The following DPM1 variants were observed in gnomAD, a reference collection of about 807,000 sequenced individuals.
The protein encoded by DPM1 is dolichol-phosphate mannosyltransferase subunit 1.
A neutral mutation model predicts 39.0 loss-of-function variants in DPM1; 27 were observed. The observed-to-expected ratio is 0.69, with a 90% CI of 0.51 to 0.95. DPM1 has a LOEUF of 0.95. DPM1 is among the 40% of genes least tolerant of loss of function. The pLI is 0.00. For synonymous variants in DPM1, 124 were observed against 109.0 expected (o/e 1.14, Z -0.86); for missense variants, 307 against 315.6 (o/e 0.97, Z 0.21).
intron 7 of DPM1, among the ~76,000 whole-genome samples, chr20:50,938,218 T>C (rs1985379281): frequency 1.3e-5 from 2 of 152,142 alleles, no homozygotes; most frequent in African/African-American, 2.4e-5. Flanking sequence ...TTATATTGAC[T>C]GTAGCCTTTC....
At chr20:50,958,273 A>C in intron 1 of DPM1, 90 bp downstream of exon 1, 1 of 1,544,760 alleles carries the variant, frequency 6.5e-7, no homozygotes, top group South Asian at 1.2e-5. Flanking sequence ...AGAAGGCTGG[A>C]CAGGGCCGCT....
intron 6 of DPM1, 122 bp downstream of exon 6, chr20:50,941,909 T>TAACTGTAAG: frequency 1.2e-6 from 1 of 833,386 alleles, no homozygotes; most frequent in Non-Finnish European, 2.0e-6. Flanking sequence ...TCTGGGAGTA[T>TAACTGTAAG]TTACTGGAAG....
rs1985016147 is a variant in DPM1, at chr20:50,934,900, T to C, written c.*232A>G. 1 of 356,374 alleles carries C rather than the reference T, an allele frequency of 2.8e-6. No homozygotes were observed. Among genetic ancestry groups the C allele is most frequent in the East Asian group, 5.3e-5 (1 of 18,698 alleles). The allele number at this position is 356,374 out of a possible 1,614,324, so 22.1% of individuals were successfully genotyped here. On this transcript the variant is annotated 3_prime_UTR_variant, in exon 9 of 9. Coordinates refer to ENST00000371588, the MANE Select transcript of DPM1 (RefSeq NM_003859.3). The stretch of plus-strand genomic sequence containing the variant: ...GCAAAAAAAAATATACATTTATTTA[T>C]AGGTCTCAATACAGCAAAATGAAAA...
intron 1 of DPM1, among the ~76,000 whole-genome samples, chr20:50,957,718 C>A (rs1986904460): frequency 6.6e-6 from 1 of 152,212 alleles, no homozygotes; most frequent in Non-Finnish European, 1.5e-5. Flanking sequence ...AGCATGATCC[C>A]ATTTGTGCAA....
chr20:50,950,340 G>A (rs1986511919), intron 2 of DPM1, among the ~76,000 whole-genome samples: 1 of 152,124 alleles, frequency 6.6e-6, no homozygotes, highest in Non-Finnish European at 1.5e-5. Context: ...ACTGCTGTCT[G>A]GTAAGAGCTT....
At chr20:50,951,767 G>A (rs550349109) in intron 2 of DPM1, among the ~76,000 whole-genome samples, 81 of 151,630 alleles carry the variant, frequency 5.3e-4, no homozygotes, top group South Asian at 1.0e-3. Context: ...CAGCCTGGGC[G>A]ACAGAGCGAG....
At chr20:50,939,109 C>T (rs1376489638) in intron 7 of DPM1, among the ~76,000 whole-genome samples, 1 of 152,196 alleles carries the variant, frequency 6.6e-6, no homozygotes, top group African/African-American at 2.4e-5. Flanking sequence ...CCAGGCCATC[C>T]TTCAACCCCC....
chr20:50,945,972 A>G lies in DPM1; in HGVS notation c.296-49T>C, dbSNP rs144979487. ...CAAGAAAATCAACAGAAATCTTTAC[A>G]TATACATTTGAACATCAAGGAAATT... On this transcript the variant is annotated intron_variant, in intron 3 of 8. Transcript: ENST00000371588. 4.6e-4 allele frequency: 694 copies of G among 1,503,688 alleles called. 1 individual carries two copies. In the African/African-American group the frequency reaches 8.5e-3, roughly 18 times the overall value. The allele number at this position is 1,503,688 out of a possible 1,614,324, so 93.1% of individuals were successfully genotyped here.
Position 50,945,726 on chromosome 20 carries a change from A to G in DPM1, c.398+11T>C. ...GTCATATTTCTTTCAAATATTAGAAATAGTACCTACCTAATAAATTCAGGA... is the reference window on the plus strand; with the variant it reads ...GTCATATTTCTTTCAAATATTAGAAGTAGTACCTACCTAATAAATTCAGGA... On this transcript the variant is annotated intron_variant, in intron 5 of 8. Transcript: ENST00000371588. 2 of 1,550,618 alleles carry G rather than the reference A, an allele frequency of 1.3e-6. No homozygotes were observed. Among genetic ancestry groups the G allele is most frequent in the Non-Finnish European group, 1.8e-6 (2 of 1,123,792 alleles).
intron 2 of DPM1, 83 bp from the exon 3 acceptor site, chr20:50,948,745 T>G: frequency 4.1e-6 from 5 of 1,212,022 alleles, no homozygotes; most frequent in South Asian, 1.2e-5. Flanking sequence ...AAGTGCATAC[T>G]CACTTTAATA....
At chr20:50,944,875 G>T (rs1224809077) in intron 5 of DPM1, 2 of 152,178 alleles carry the variant, frequency 1.3e-5, no homozygotes, top group African/African-American at 2.4e-5. Context: ...TAGCATGCCT[G>T]TATTAATGCA....
At chr20:50,942,542 G>A (rs1985932967) in intron 5 of DPM1, among the ~76,000 whole-genome samples, 1 of 151,896 alleles carries the variant, frequency 6.6e-6, no homozygotes, top group African/African-American at 2.4e-5. Flanking sequence ...AGTGGCACAT[G>A]CCTTTAGTCT....
In DPM1 at chr20:50,956,929, C is replaced by T. The variant is rs115310221; in HGVS notation, c.161+1434G>A. Among the ~76,000 whole-genome samples, 1,289 of 152,162 alleles carry T rather than the reference C, an allele frequency of 8.5e-3. 23 individuals are homozygous for T. The highest frequency in any genetic ancestry group is 0.029 in the African/African-American group (1,216 of 41,500). On this transcript the variant is annotated intron_variant, in intron 1 of 8. Coordinates refer to ENST00000371588, the MANE Select transcript of DPM1 (RefSeq NM_003859.3). ...GATTGCATCTGAAAAGTTTTGTTTCCTTTATCAAACTTCATTTTGATCTTA... is the reference window on the plus strand; with the variant it reads ...GATTGCATCTGAAAAGTTTTGTTTCTTTTATCAAACTTCATTTTGATCTTA...
rs1985033659 is a variant in DPM1, at chr20:50,935,119, G to C, written c.*13C>G. The stretch of plus-strand genomic sequence containing the variant: ...ACCTGAAATGAACGTAACTATAAAT[G>C]AGTATCTTTCTTTTATGTAGTAGCA... On this transcript the variant is annotated 3_prime_UTR_variant, in exon 9 of 9. Transcript: ENST00000371588. The C allele has an allele frequency of 2.2e-6, 3 of 1,388,754 alleles. No individual in the cohort carries two copies. Among genetic ancestry groups the C allele is most frequent in the South Asian group, 2.3e-5 (2 of 85,958 alleles). The allele number at this position is 1,388,754 out of a possible 1,614,324, so 86.0% of individuals were successfully genotyped here. A position where few individuals can be genotyped will look rare whatever the true frequency, so the allele number is the denominator to read the frequency against.
intron 2 of DPM1, among the ~76,000 whole-genome samples, chr20:50,953,240 A>G (rs1429007700): frequency 3.3e-5 from 5 of 152,090 alleles, no homozygotes; most frequent in Non-Finnish European, 7.4e-5. Flanking sequence ...AGTGCCCCCA[A>G]TTTCTCTATG....
intron 2 of DPM1, among the ~76,000 whole-genome samples, chr20:50,953,291 G>A (rs961094059): frequency 4.6e-5 from 7 of 152,052 alleles, no homozygotes; most frequent in Non-Finnish European, 1.0e-4. Context: ...CTAACCTCTC[G>A]CTTCAGTTGT....
rs1190699550 is a variant in DPM1 at position 50,934,976 on chromosome 20, T to C, written c.*156A>G. Reference sequence around the variant, plus strand: ...GGCCAGCAACTTTAAAATTATTTAATTTGAAATATAAAATAGGTGGTCTTC... The same window carrying C: ...GGCCAGCAACTTTAAAATTATTTAACTTGAAATATAAAATAGGTGGTCTTC... On this transcript the variant is annotated 3_prime_UTR_variant, in exon 9 of 9. Coordinates refer to ENST00000371588, the MANE Select transcript of DPM1 (RefSeq NM_003859.3). The C allele has an allele frequency of 8.8e-6, 5 of 568,128 alleles. No individual in the cohort carries two copies. In the East Asian group the frequency reaches 1.5e-4, roughly 17 times the overall value. The allele number at this position is 568,128 out of a possible 1,614,324, so 35.2% of individuals were successfully genotyped here. A position where few individuals can be genotyped will look rare whatever the true frequency, so the allele number is the denominator to read the frequency against.
rs114112345 is a variant in DPM1, at chr20:50,943,143, C to T, written c.399-1017G>A. ...GTGACTGAGACTGCGCCACTGCACT[C>T]CAGCCTGCATGACAGAGTGAGATTC... On this transcript the variant is annotated intron_variant, in intron 5 of 8. Transcript: ENST00000371588. Among the ~76,000 whole-genome samples, 705 of 152,212 alleles carry T rather than the reference C, an allele frequency of 4.6e-3. 6 individuals carry two copies. Among genetic ancestry groups the T allele is most frequent in the African/African-American group, 0.016 (668 of 41,536 alleles).
At chr20:50,940,778 A>G in intron 7 of DPM1, 87 bp downstream of exon 7, 1 of 1,119,654 alleles carries the variant, frequency 8.9e-7, no homozygotes, top group Non-Finnish European at 1.4e-6. Context: ...AAAACAAGGT[A>G]GAAATGTAAA....
Sources: gnomAD v4.1 joint callset for allele counts (sites outside exome capture counted in the v4.1 genomes callset) on GRCh38, gnomAD v4.1.1 for gene constraint, MANE v1.5 for transcripts, NCBI Gene and HGNC (gene_info 2026-07-23, HGNC 2026-07-21) for gene names.